The following SLC24A2 variants were observed in gnomAD, a reference collection of about 807,000 sequenced individuals.
The protein encoded by SLC24A2 is solute carrier family 24 member 2, also known as sodium/potassium/calcium exchanger 2.
In SLC24A2, 36 loss-of-function variants were observed where a neutral mutation model predicts 62.0. The ratio of observed to expected loss-of-function variants is 0.58; its 90% CI spans 0.44 to 0.77. SLC24A2 has a LOEUF of 0.77. SLC24A2 is among the 30% of genes least tolerant of loss of function. SLC24A2 has a pLI of 0.00. For synonymous variants in SLC24A2, 358 were observed against 294.0 expected (o/e 1.22, Z -2.23); for missense variants, 846 against 817.9 (o/e 1.03, Z -0.42).
chr9:20,026,286 T>C, the SLC24A2 span, among the ~76,000 whole-genome samples: 4 of 152,210 alleles, frequency 2.6e-5, no homozygotes, highest in Admixed American at 2.6e-4. Context: ...AATTTATCTT[T>C]TGAAAACACA....
At chr9:20,276,826 G>T in the SLC24A2 span, among the ~76,000 whole-genome samples, 1 of 152,230 alleles carries the variant, frequency 6.6e-6, no homozygotes, top group Non-Finnish European at 1.5e-5. Context: ...ACCAAAGTTT[G>T]GGGCTTGCAC....
At chr9:19,857,637 G>A in the SLC24A2 span, among the ~76,000 whole-genome samples, 1 of 152,042 alleles carries the variant, frequency 6.6e-6, no homozygotes, top group Non-Finnish European at 1.5e-5. Flanking sequence ...AAATGGAAAT[G>A]ATTTATTAAT....
At chr9:19,617,347 A>G (rs1422619402) in intron 4 of SLC24A2, among the ~76,000 whole-genome samples, 1 of 152,186 alleles carries the variant, frequency 6.6e-6, no homozygotes, top group Non-Finnish European at 1.5e-5. Flanking sequence ...CCCCTGTCAT[A>G]GACCATGATT....
the SLC24A2 span, among the ~76,000 whole-genome samples, chr9:20,171,382 T>C: frequency 6.6e-6 from 1 of 151,856 alleles, no homozygotes; most frequent in African/African-American, 2.4e-5. Context: ...TAAAGTTGAA[T>C]GTAAATGGCC....
intron 2 of SLC24A2, among the ~76,000 whole-genome samples, chr9:19,779,169 G>C (rs143540839): frequency 6.6e-6 from 1 of 152,184 alleles, no homozygotes; most frequent in African/African-American, 2.4e-5. Flanking sequence ...TACAAGATAC[G>C]TCTAACTGGA....
At chr9:19,925,866 T>C in the SLC24A2 span, among the ~76,000 whole-genome samples, 1 of 152,230 alleles carries the variant, frequency 6.6e-6, no homozygotes, top group East Asian at 1.9e-4. Context: ...ATTTTAATCG[T>C]GTGCTACACA....
chr9:19,805,415 C>T, the SLC24A2 span, among the ~76,000 whole-genome samples: 1 of 152,104 alleles, frequency 6.6e-6, no homozygotes, highest in Non-Finnish European at 1.5e-5. Context: ...AATAAATTTA[C>T]CCAACAATGA....
chr9:20,095,031 A>G, the SLC24A2 span, among the ~76,000 whole-genome samples: 12 of 152,226 alleles, frequency 7.9e-5, no homozygotes, highest in Non-Finnish European at 1.6e-4. Flanking sequence ...ATAGATTTTT[A>G]AATATACTTT....
the SLC24A2 span, among the ~76,000 whole-genome samples, chr9:19,945,013 A>G: frequency 2.6e-5 from 4 of 152,276 alleles, no homozygotes; most frequent in Non-Finnish European, 1.5e-5. Context: ...TTTTGTGCAT[A>G]CAGAGTGGTC....
chr9:19,657,753 G>T (rs745877048), intron 2 of SLC24A2, among the ~76,000 whole-genome samples: 1 of 151,848 alleles, frequency 6.6e-6, no homozygotes, highest in Admixed American at 6.6e-5. Context: ...TTGAAACAGC[G>T]TCTTGTGGCG....
chr9:19,666,237 T>C (rs1476477884), intron 2 of SLC24A2, among the ~76,000 whole-genome samples: 2 of 151,844 alleles, frequency 1.3e-5, no homozygotes, highest in Non-Finnish European at 2.9e-5. Flanking sequence ...AGACCTCATC[T>C]CCACAAAAAA....
chr9:20,146,237 T>A, the SLC24A2 span, among the ~76,000 whole-genome samples: 1 of 152,072 alleles, frequency 6.6e-6, no homozygotes, highest in Non-Finnish European at 1.5e-5. Flanking sequence ...GGGCAAGGGA[T>A]CATCAGCATC....
At chr9:20,044,035 G>C in the SLC24A2 span, among the ~76,000 whole-genome samples, 6 of 152,010 alleles carry the variant, frequency 3.9e-5, no homozygotes, top group African/African-American at 1.4e-4. Context: ...CACTACCCTG[G>C]TCAGCAGCCA....
rs561741024 is a variant in SLC24A2, at chr9:19,510,781, C to G, written c.*5372G>C. On this transcript the variant is annotated 3_prime_UTR_variant, in exon 11 of 11. Transcript: ENST00000341998. Reference sequence around the variant, plus strand: ...GGCTTAGATAATATGGTGCTCTACACAGTCCCTCACTGTTCGTACGCTAAT... The same window carrying G: ...GGCTTAGATAATATGGTGCTCTACAGAGTCCCTCACTGTTCGTACGCTAAT... 8 of 152,358 alleles carry G rather than the reference C, an allele frequency of 5.3e-5. No homozygotes were observed. Among genetic ancestry groups the G allele is most frequent in the African/African-American group, 1.9e-4 (8 of 41,584 alleles). The allele number at this position is 152,358 out of a possible 1,614,324, so 9.4% of individuals were successfully genotyped here. A position where few individuals can be genotyped will look rare whatever the true frequency, so the allele number is the denominator to read the frequency against.
At chr9:19,655,598 C>T (rs545571947) in intron 2 of SLC24A2, among the ~76,000 whole-genome samples, 311 of 152,218 alleles carry the variant, frequency 2.0e-3, no homozygotes, top group African/African-American at 6.6e-3. Context: ...ATTTATAATT[C>T]TTATTCTGTG....
the SLC24A2 span, among the ~76,000 whole-genome samples, chr9:20,282,878 ACT>A: frequency 2.0e-5 from 3 of 152,120 alleles, no homozygotes; most frequent in African/African-American, 7.2e-5. Context: ...GTAATACATG[ACT>A]CTGCAATGAA....
chr9:20,151,675 A>G, the SLC24A2 span, among the ~76,000 whole-genome samples: 3 of 151,882 alleles, frequency 2.0e-5, no homozygotes, highest in African/African-American at 7.2e-5. Flanking sequence ...CTCTATGTTC[A>G]TAAATGGGAG....
chr9:19,982,948 A>G, the SLC24A2 span, among the ~76,000 whole-genome samples: 1 of 152,212 alleles, frequency 6.6e-6, no homozygotes, highest in Non-Finnish European at 1.5e-5. Context: ...AAAAGATTTG[A>G]CAAAATCCAA....
chr9:19,758,175 A>G (rs1029434364), intron 2 of SLC24A2, among the ~76,000 whole-genome samples: 4 of 152,216 alleles, frequency 2.6e-5, no homozygotes, highest in Non-Finnish European at 4.4e-5. Context: ...CTATGCTAGA[A>G]TAATTTTTAT....
Sources: allele counts gnomAD v4.1 joint callset (sites outside exome capture counted in the v4.1 genomes callset), GRCh38; gene constraint gnomAD v4.1.1; transcripts MANE v1.5; gene names NCBI Gene and HGNC (gene_info 2026-07-23, HGNC 2026-07-21).